LRRC8C: variants seen among roughly 807,000 people sequenced by gnomAD.
The protein encoded by LRRC8C is volume-regulated anion channel subunit LRRC8C.
In LRRC8C, 20 loss-of-function variants were observed where a neutral mutation model predicts 55.3. The ratio of observed to expected loss-of-function variants is 0.36; its 90% CI spans 0.25 to 0.53. LRRC8C has a LOEUF of 0.53. Ranked by LOEUF, LRRC8C falls within the 20% of genes least tolerant of loss-of-function variation. The pLI is 0.92. For synonymous variants in LRRC8C, 376 were observed against 360.7 expected, an observed-to-expected ratio of 1.04 and a Z score of -0.48; for missense variants, 659 against 951.4, an observed-to-expected ratio of 0.69 and a Z score of 4.04.
At chr1:89,703,649 G>A (rs879769460) in intron 2 of LRRC8C, among the ~76,000 whole-genome samples, 3 of 151,928 alleles carry the variant, frequency 2.0e-5, no homozygotes, top group Non-Finnish European at 2.9e-5. Flanking sequence ...TGGAAGTGGT[G>A]TGGAGATACT....
At chr1:89,640,010 A>G (rs1261902550) in intron 1 of LRRC8C, among the ~76,000 whole-genome samples, 1 of 152,244 alleles carries the variant, frequency 6.6e-6, no homozygotes, top group Non-Finnish European at 1.5e-5. Context: ...ATCCTAGGTA[A>G]CAGTCACTAA....
At chr1:89,676,624 T>C (rs961712165) in intron 1 of LRRC8C, among the ~76,000 whole-genome samples, 1 of 152,172 alleles carries the variant, frequency 6.6e-6, no homozygotes, top group African/African-American at 2.4e-5. Flanking sequence ...GATTTTAGTG[T>C]AACCAATTTG....
intron 1 of LRRC8C, among the ~76,000 whole-genome samples, chr1:89,648,378 A>G (rs144457154): frequency 2.6e-5 from 4 of 152,316 alleles, no homozygotes; most frequent in African/African-American, 9.6e-5. Context: ...TACAACCATT[A>G]AAGAACAGAC....
At chr1:89,655,436 G>A (rs939615218) in intron 1 of LRRC8C, among the ~76,000 whole-genome samples, 1 of 152,050 alleles carries the variant, frequency 6.6e-6, no homozygotes, top group African/African-American at 2.4e-5. Flanking sequence ...TCTTTCAGTT[G>A]GAGGCATTCC....
At chr1:89,661,132 T>C (rs1657108895) in intron 1 of LRRC8C, 1 of 178,180 alleles carries the variant, frequency 5.6e-6, no homozygotes, top group Non-Finnish European at 1.2e-5. Flanking sequence ...AGGAGAAGTA[T>C]TTCCTGGTTA....
At chr1:89,647,955 G>A (rs898910233) in intron 1 of LRRC8C, among the ~76,000 whole-genome samples, 2 of 152,184 alleles carry the variant, frequency 1.3e-5, no homozygotes, top group African/African-American at 4.8e-5. Flanking sequence ...TATGGTTCCA[G>A]CTACTCTGGA....
At chr1:89,622,758 T>A in the LRRC8C span, among the ~76,000 whole-genome samples, 1 of 152,192 alleles carries the variant, frequency 6.6e-6, no homozygotes, top group Non-Finnish European at 1.5e-5. Flanking sequence ...GCTTGTCATC[T>A]TACAAATGTG....
In LRRC8C at chr1:89,668,140, G is replaced by A. The variant is rs148076919; in HGVS notation, c.-4-18330G>A. Reference sequence around the variant, plus strand: ...TAAGTACTCACTGTCCTTCTGTTTTGATTTGGTATACATTTCCCAGCATTC... The same window carrying A: ...TAAGTACTCACTGTCCTTCTGTTTTAATTTGGTATACATTTCCCAGCATTC... On this transcript the variant is annotated intron_variant, in intron 1 of 2. Coordinates refer to ENST00000370454, the MANE Select transcript of LRRC8C (RefSeq NM_032270.5). 6 of 152,670 alleles carry A rather than the reference G, an allele frequency of 3.9e-5. No homozygotes were observed. The East Asian group carries it at 1.2e-3, about 29-fold the overall frequency. The allele number at this position is 152,670 out of a possible 1,614,324, so 9.5% of individuals were successfully genotyped here.
At chr1:89,706,614 A>C (rs1455536510) in intron 2 of LRRC8C, among the ~76,000 whole-genome samples, 1 of 152,208 alleles carries the variant, frequency 6.6e-6, no homozygotes, top group Non-Finnish European at 1.5e-5. Flanking sequence ...AGTATGCAAT[A>C]GAGCATGCAC....
chr1:89,683,362 A>ATTT (rs71084957), intron 1 of LRRC8C, among the ~76,000 whole-genome samples: 3 of 144,308 alleles, frequency 2.1e-5, no homozygotes, highest in South Asian at 4.4e-4. Context: ...AGATAGACTA[A>ATTT]TTTTTTTTTT....
At chr1:89,692,358 C>T (rs1305917032) in intron 2 of LRRC8C, among the ~76,000 whole-genome samples, 3 of 152,160 alleles carry the variant, frequency 2.0e-5, no homozygotes, top group African/African-American at 7.2e-5. Flanking sequence ...AGTAATCCAA[C>T]AGCTTTTAGA....
chr1:89,655,884 C>T (rs1051023477), intron 1 of LRRC8C, among the ~76,000 whole-genome samples: 4 of 152,206 alleles, frequency 2.6e-5, no homozygotes, highest in African/African-American at 9.6e-5. Flanking sequence ...CCTTTAAGGA[C>T]ACAACTCCAA....
At chr1:89,695,540 A>T (rs1334710442) in intron 2 of LRRC8C, among the ~76,000 whole-genome samples, 1 of 152,222 alleles carries the variant, frequency 6.6e-6, no homozygotes, top group African/African-American at 2.4e-5. Flanking sequence ...ACAGTGTTGT[A>T]GTGATATTCA....
chr1:89,661,435 T>G (rs1361898797), intron 1 of LRRC8C: 1 of 239,538 alleles, frequency 4.2e-6, no homozygotes, highest in Non-Finnish European at 8.6e-6. Flanking sequence ...CTTCTTGGAC[T>G]GAGTGATGAT....
upstream of LRRC8C, among the ~76,000 whole-genome samples, chr1:89,628,228 A>G (rs1656023709): frequency 6.6e-6 from 1 of 152,192 alleles, no homozygotes; most frequent in African/African-American, 2.4e-5. Context: ...TGTAGGGAGC[A>G]AAAAGGGGTG....
intron 1 of LRRC8C, chr1:89,661,408 G>A (rs1657119089): frequency 3.4e-6 from 1 of 296,150 alleles, no homozygotes; most frequent in Admixed American, 3.4e-5. Context: ...TACAAAGAGG[G>A]AGATCAAGCT....
chr1:89,641,037 G>GT (rs1279399042), intron 1 of LRRC8C, among the ~76,000 whole-genome samples: 1 of 152,102 alleles, frequency 6.6e-6, no homozygotes, highest in East Asian at 1.9e-4. Context: ...TGTTTCTGTA[G>GT]TTTCCAGTAT....
intron 1 of LRRC8C, among the ~76,000 whole-genome samples, chr1:89,672,163 G>A (rs1352973179): frequency 2.6e-5 from 4 of 152,210 alleles, no homozygotes; most frequent in Non-Finnish European, 4.4e-5. Flanking sequence ...TGTCTGAAAT[G>A]TTCTCCTGGC....
At chr1:89,625,728 C>T in the LRRC8C span, among the ~76,000 whole-genome samples, 2 of 152,190 alleles carry the variant, frequency 1.3e-5, no homozygotes, top group Non-Finnish European at 1.5e-5. Context: ...GATAAGGTTT[C>T]CTGAGCCATG....
Sources: gnomAD v4.1 joint callset for allele counts (sites outside exome capture counted in the v4.1 genomes callset) on GRCh38, gnomAD v4.1.1 for gene constraint, MANE v1.5 for transcripts, NCBI Gene and HGNC (gene_info 2026-07-23, HGNC 2026-07-21) for gene names.